Variants in AKR1C4 observed in about 807,000 individuals in gnomAD.
AKR1C4 encodes 3-alpha-HSD1.
Under a neutral mutation model 41.0 loss-of-function variants are expected in AKR1C4, and 44 were observed. The observed-to-expected ratio is 1.07, with a 90% confidence interval of 0.84 to 1.38. AKR1C4 has a LOEUF of 1.38. Ranked by LOEUF, AKR1C4 falls within the 40% of genes most tolerant of loss-of-function variation. The pLI is 0.00. For missense variants in AKR1C4, 438 were observed against 387.9 expected, an observed-to-expected ratio of 1.13 and a Z score of -1.09; for synonymous variants, 165 against 137.7, an observed-to-expected ratio of 1.20 and a Z score of -1.39.
intron 2 of AKR1C4, among the ~76,000 whole-genome samples, chr10:5,203,431 G>A (rs539680890): frequency 7.9e-5 from 12 of 152,236 alleles, no homozygotes; most frequent in South Asian, 4.1e-4. Context: ...TGTCACTGCC[G>A]CTTCTACTTT....
chr10:5,210,755 G>T (rs1341597473), intron 5 of AKR1C4, among the ~76,000 whole-genome samples: 2 of 152,112 alleles, frequency 1.3e-5, no homozygotes, highest in East Asian at 1.9e-4. Context: ...GGGATTACAG[G>T]CACGTGCCAC....
intron 2 of AKR1C4, chr10:5,202,332 G>A (rs7083869): frequency 0.2 from 62,804 of 308,008 alleles, 6,699 homozygotes; most frequent in Middle Eastern, 0.3. Context: ...GAATAGCAGT[G>A]CTACTAATTT....
rs57414547 is a variant in AKR1C4 at position 5,202,939 on chromosome 10, TTGTGTGTGTG to T, written c.253-1404_253-1395del. ...AGGGAGATTGGTCTATAGTTTTCTT[TTGTGTGTGTG>T]TGTGTGTGTGTGTGTGTGTGTGTGT... On this transcript the variant is annotated intron_variant, in intron 2 of 8. Coordinates refer to ENST00000263126, the MANE Select transcript of AKR1C4 (RefSeq NM_001818.5). Among the ~76,000 whole-genome samples the T allele has an allele frequency of 6.1e-3, 855 of 139,212 alleles. 3 individuals carry two copies. Among genetic ancestry groups the T allele is most frequent in the African/African-American group, 8.9e-3 (316 of 35,652 alleles). The allele number at this position is 139,212 out of a possible 152,430, so 91.3% of individuals were successfully genotyped here. A position where few individuals can be genotyped will look rare whatever the true frequency, so the allele number is the denominator to read the frequency against.
At chr10:5,205,914 G>A (rs191545154) in intron 4 of AKR1C4, 80 bp downstream of exon 4, 5 of 1,357,048 alleles carry the variant, frequency 3.7e-6, no homozygotes, top group Middle Eastern at 1.9e-4. Flanking sequence ...ATGCAACATT[G>A]GAATATGCAC....
chr10:5,200,442 T>C, intron 2 of AKR1C4, 94 bp downstream of exon 2: 1 of 1,500,170 alleles, frequency 6.7e-7, no homozygotes, highest in Non-Finnish European at 8.9e-7. Context: ...TGTGGGTGAA[T>C]TGTGCTTATT....
intron 2 of AKR1C4, among the ~76,000 whole-genome samples, chr10:5,201,182 A>T (rs1484192952): frequency 6.6e-6 from 1 of 152,182 alleles, no homozygotes; most frequent in African/African-American, 2.4e-5. Flanking sequence ...AGGAATCTCC[A>T]TACTGTTTTC....
At position 5,211,706 on chromosome 10, in the gene AKR1C4, G is replaced by A. The variant is rs143854650; in HGVS notation, c.571-910G>A. 1.9e-3 allele frequency among the ~76,000 whole-genome samples: 290 copies of A among 152,198 alleles called. 1 individual carries two copies. Among genetic ancestry groups the A allele is most frequent in the African/African-American group, 6.9e-3 (285 of 41,514 alleles). On this transcript the variant is annotated intron_variant, in intron 5 of 8. Transcript: ENST00000263126. ...TAGTTCCAATGTCACTTCATTTTCA[G>A]GTATCTATCTTTCAACAATGCCCCA...
Position 5,196,844 on chromosome 10 carries a change from G to T in AKR1C4, c.-24G>T, listed in dbSNP as rs782273061. The T allele has an allele frequency of 1.9e-6, 3 of 1,612,468 alleles. No homozygotes were observed. Among genetic ancestry groups the T allele is most frequent in the Non-Finnish European group, 2.5e-6 (3 of 1,178,456 alleles). On this transcript the variant is annotated 5_prime_UTR_variant, in exon 1 of 9. Transcript: ENST00000263126. Reference sequence around the variant, plus strand: ...GATGTTGCTGAAGGAAACAGGATCTGCTTAGTGAAAGAAGTGGCAAGCAAT... The same window carrying T: ...GATGTTGCTGAAGGAAACAGGATCTTCTTAGTGAAAGAAGTGGCAAGCAAT...
At chr10:5,210,494 G>A (rs1832556231) in intron 5 of AKR1C4, among the ~76,000 whole-genome samples, 1 of 152,218 alleles carries the variant, frequency 6.6e-6, no homozygotes, top group South Asian at 2.1e-4. Context: ...CACTGCCCTA[G>A]CAGAAGTTCA....
intron 5 of AKR1C4, among the ~76,000 whole-genome samples, chr10:5,211,542 A>C (rs185734135): frequency 1.7e-4 from 26 of 152,274 alleles, no homozygotes; most frequent in South Asian, 1.0e-3. Flanking sequence ...CCTCATCTCC[A>C]TCTGAGACCA....
At position 5,204,512 on chromosome 10, in the gene AKR1C4, C is replaced by T. The variant is rs782428027; in HGVS notation, c.369+19C>T. 1 of 1,524,564 alleles carries T rather than the reference C, an allele frequency of 6.6e-7. No homozygotes were observed. Among genetic ancestry groups the T allele is most frequent in the Non-Finnish European group, 9.1e-7 (1 of 1,098,636 alleles). The allele number at this position is 1,524,564 out of a possible 1,614,324, so 94.4% of individuals were successfully genotyped here. A position where few individuals can be genotyped will look rare whatever the true frequency, so the allele number is the denominator to read the frequency against. The stretch of plus-strand genomic sequence containing the variant: ...TCTCAAGGTAGGGAATTTGTGAGAT[C>T]AACTTCTCTTCTGTTCTCAGCATGA... On this transcript the variant is annotated intron_variant, in intron 3 of 8. Coordinates refer to ENST00000263126, the MANE Select transcript of AKR1C4 (RefSeq NM_001818.5).
chr10:5,212,312 C>A (rs1832587892), intron 5 of AKR1C4, among the ~76,000 whole-genome samples: 1 of 152,128 alleles, frequency 6.6e-6, no homozygotes, highest in Non-Finnish European at 1.5e-5. Flanking sequence ...CATTCTGGCA[C>A]AATTTGATGT....
In AKR1C4 at chr10:5,214,692, G is replaced by A. The variant is rs576435999; in HGVS notation, c.846+1533G>A. Among the ~76,000 whole-genome samples the A allele has an allele frequency of 1.2e-3, 186 of 152,002 alleles. 1 individual carries two copies. The highest frequency in any genetic ancestry group is 6.9e-3 in the Middle Eastern group (2 of 290). On this transcript the variant is annotated intron_variant, in intron 7 of 8. Coordinates refer to ENST00000263126, the MANE Select transcript of AKR1C4 (RefSeq NM_001818.5). ...ATAGTCTTTGGATAACTTTTTTTGA[G>A]AATTTTCTAATCTATGCAAATATTC...
chr10:5,201,873 C>T (rs1832404473), intron 2 of AKR1C4, among the ~76,000 whole-genome samples: 1 of 152,040 alleles, frequency 6.6e-6, no homozygotes, highest in South Asian at 2.1e-4. Flanking sequence ...GGGTTATTTT[C>T]CCTAATTTAT....
Position 5,213,175 on chromosome 10 carries a change from G to T in AKR1C4, c.846+16G>T, listed in dbSNP as rs2132138170. 6.2e-7 allele frequency: 1 copy of T among 1,612,214 alleles called. No individual in the cohort carries two copies. The highest frequency in any genetic ancestry group is 8.5e-7 in the Non-Finnish European group (1 of 1,179,750). On this transcript the variant is annotated intron_variant, in intron 7 of 8. Coordinates refer to ENST00000263126, the MANE Select transcript of AKR1C4 (RefSeq NM_001818.5). ...GAACATCCAGGTGAGGAGTTGGGTGGGCATCAGGGCTCCTGCACAGTGTCC... is the reference window on the plus strand; with the variant it reads ...GAACATCCAGGTGAGGAGTTGGGTGTGCATCAGGGCTCCTGCACAGTGTCC...
At chr10:5,218,483 G>A (rs1156601862) in intron 8 of AKR1C4, among the ~76,000 whole-genome samples, 1 of 151,106 alleles carries the variant, frequency 6.6e-6, no homozygotes, top group African/African-American at 2.4e-5. Flanking sequence ...AATTGACCCT[G>A]TGTAGTTTGT....
intron 7 of AKR1C4, among the ~76,000 whole-genome samples, chr10:5,215,235 A>G (rs577291045): frequency 1.3e-5 from 2 of 152,274 alleles, no homozygotes; most frequent in South Asian, 2.1e-4. Flanking sequence ...TACAATTTGG[A>G]TATTTGTCTC....
Position 5,216,759 on chromosome 10 carries a change from C to T in AKR1C4, c.895C>T (p.Leu299=). 6.2e-7 allele frequency: 1 copy of T among 1,612,040 alleles called. No individual in the cohort carries two copies. The highest frequency in any genetic ancestry group is 8.5e-7 in the Non-Finnish European group (1 of 1,178,920). ...AGAGGATATGAAAGTTCTAGATGGTCTAAACAGAAATTATCGATATGTTGT... is the reference window on the plus strand; with the variant it reads ...AGAGGATATGAAAGTTCTAGATGGTTTAAACAGAAATTATCGATATGTTGT... ...TSEDMKVLDG[L]NRNYRYVVMD... Residue 299 remains leucine (L), a synonymous_variant, in exon 8 of 9, where the codon CTA becomes TTA. Coordinates refer to ENST00000263126, the MANE Select transcript of AKR1C4 (RefSeq NM_001818.5).
At chr10:5,210,243 T>A (rs1041753812) in intron 5 of AKR1C4, among the ~76,000 whole-genome samples, 2 of 152,194 alleles carry the variant, frequency 1.3e-5, no homozygotes, top group Non-Finnish European at 1.5e-5. Flanking sequence ...TTTACATCCA[T>A]GCTGATGTAA....
Sources: allele counts gnomAD v4.1 joint callset (sites outside exome capture counted in the v4.1 genomes callset), GRCh38; gene constraint gnomAD v4.1.1; transcripts MANE v1.5; gene names NCBI Gene and HGNC (gene_info 2026-07-23, HGNC 2026-07-21).